Variants in NRP1 observed in about 807,000 individuals in gnomAD.
NRP1 encodes the protein neuropilin-1.
A neutral mutation model predicts 106.7 loss-of-function variants in NRP1; 35 were observed. That is an observed-to-expected ratio of 0.33 (90% CI 0.25 to 0.43). NRP1 has a LOEUF of 0.43. Ranked by LOEUF, NRP1 falls within the 20% of genes least tolerant of loss-of-function variation. The pLI is 1.00. For missense variants in NRP1, 1,024 were observed against 1,170.4 expected (o/e 0.87, Z 1.83); for synonymous variants, 437 against 417.9 (o/e 1.05, Z -0.56).
At chr10:33,264,883 C>A (rs996450842) in intron 3 of NRP1, among the ~76,000 whole-genome samples, 1 of 152,008 alleles carries the variant, frequency 6.6e-6, no homozygotes, top group Admixed American at 6.6e-5. Flanking sequence ...CTGAGGTGGG[C>A]GGATCACCTG....
chr10:33,180,625 A>ATGCAGCCCCATCTGTCC (rs1233295208), intron 16 of NRP1, among the ~76,000 whole-genome samples: 6 of 152,188 alleles, frequency 3.9e-5, no homozygotes, highest in South Asian at 4.1e-4. Context: ...CTCAGATTTC[A>ATGCAGCCCCATCTGTCC]TGCAGCCCCA....
At chr10:33,323,810 ATGTGTTTGTGTG>A (rs1847697239) in intron 2 of NRP1, among the ~76,000 whole-genome samples, 2 of 152,100 alleles carry the variant, frequency 1.3e-5, no homozygotes, top group African/African-American at 4.8e-5. Context: ...ACACACACAT[ATGTGTTTGTGTG>A]TGCGCTTCTG....
chr10:33,271,814 G>A (rs1468605221), intron 2 of NRP1, among the ~76,000 whole-genome samples: 1 of 152,150 alleles, frequency 6.6e-6, no homozygotes, highest in African/African-American at 2.4e-5. Flanking sequence ...TGTCTATTTG[G>A]TGTTATGTAT....
intron 2 of NRP1, among the ~76,000 whole-genome samples, chr10:33,272,366 G>A (rs564845852): frequency 1.3e-5 from 2 of 152,176 alleles, no homozygotes; most frequent in Non-Finnish European, 2.9e-5. Flanking sequence ...GATGCTTCCA[G>A]TAGTAGATAC....
chr10:33,186,176 C>A, intron 14 of NRP1, 41 bp downstream of exon 14: 1 of 1,539,072 alleles, frequency 6.5e-7, no homozygotes, highest in South Asian at 1.3e-5. Context: ...CTCAGCATTC[C>A]TGCAGCCACT....
At chr10:33,268,150 G>T (rs961877308) in intron 3 of NRP1, among the ~76,000 whole-genome samples, 2 of 152,198 alleles carry the variant, frequency 1.3e-5, no homozygotes, top group Non-Finnish European at 2.9e-5. Context: ...TTTTGTGTGT[G>T]TGTGTATACA....
intron 2 of NRP1, among the ~76,000 whole-genome samples, chr10:33,320,672 C>T (rs557080756): frequency 9.2e-5 from 14 of 152,312 alleles, no homozygotes; most frequent in Admixed American, 5.9e-4. Flanking sequence ...GGACACATTG[C>T]GGTTTTTCAC....
At chr10:33,226,026 C>A in intron 7 of NRP1, 108 bp downstream of exon 7, 1 of 1,248,402 alleles carries the variant, frequency 8.0e-7, no homozygotes, top group Non-Finnish European at 1.1e-6. Flanking sequence ...CATTTCAAAT[C>A]AATTCAAAAA....
chr10:33,250,504 A>T (rs1841777842), intron 6 of NRP1, among the ~76,000 whole-genome samples: 1 of 152,226 alleles, frequency 6.6e-6, no homozygotes, highest in African/African-American at 2.4e-5. Context: ...AATAGGAAGC[A>T]CCCAACCCAT....
chr10:33,244,602 T>C (rs1249117913), intron 6 of NRP1, among the ~76,000 whole-genome samples: 2 of 152,180 alleles, frequency 1.3e-5, no homozygotes, highest in African/African-American at 4.8e-5. Context: ...TGGTTGGTAA[T>C]TGATAGCTTT....
intron 6 of NRP1, among the ~76,000 whole-genome samples, chr10:33,233,892 G>GT (rs1253823052): frequency 6.6e-6 from 1 of 152,164 alleles, no homozygotes; most frequent in African/African-American, 2.4e-5. Context: ...TAAAACACAT[G>GT]TTTTTTACAG....
At chr10:33,209,121 G>A (rs556766094) in intron 9 of NRP1, among the ~76,000 whole-genome samples, 1 of 151,958 alleles carries the variant, frequency 6.6e-6, no homozygotes, top group Admixed American at 6.6e-5. Flanking sequence ...TGGCCAGGCT[G>A]GTCTTGAACT....
At chr10:33,261,372 A>T (rs773888105) in intron 4 of NRP1, among the ~76,000 whole-genome samples, 7 of 152,216 alleles carry the variant, frequency 4.6e-5, no homozygotes, top group Admixed American at 1.3e-4. Flanking sequence ...CTAGAAAGGA[A>T]AGCTGCAAAT....
chr10:33,180,014 C>T lies in NRP1; in HGVS notation c.*62G>A. On this transcript the variant is annotated 3_prime_UTR_variant, in exon 17 of 17. Transcript: ENST00000374867. ...CCTGTATAGTGAAAGATCAACAGCT[C>T]CCCAGCTCACTCCCGTCCTTCCACT... is the stretch of plus-strand genomic sequence containing the variant. 1 of 1,536,266 alleles carries T rather than the reference C, an allele frequency of 6.5e-7. No homozygotes were observed. Among genetic ancestry groups the T allele is most frequent in the East Asian group, 2.2e-5 (1 of 44,488 alleles).
At chr10:33,197,484 T>C in intron 12 of NRP1, 166 bp downstream of exon 12, 1 of 480,698 alleles carries the variant, frequency 2.1e-6, no homozygotes, top group Non-Finnish European at 3.7e-6. Flanking sequence ...CTGCTGCATA[T>C]ACATGTGGAT....
At chr10:33,278,124 CAGGGTGT>C (rs1243813950) in intron 2 of NRP1, among the ~76,000 whole-genome samples, 1 of 152,112 alleles carries the variant, frequency 6.6e-6, no homozygotes, top group Admixed American at 6.5e-5. Flanking sequence ...TCGACACTGT[CAGGGTGT>C]AAGGTGATTT....
At chr10:33,256,585 A>C in intron 4 of NRP1, 114 bp from the exon 5 acceptor site, 1 of 1,118,994 alleles carries the variant, frequency 8.9e-7, no homozygotes, top group Non-Finnish European at 1.3e-6. Context: ...TTTCTAACCC[A>C]AAGCAAGGCT....
chr10:33,253,654 T>C (rs1317129847), intron 6 of NRP1, among the ~76,000 whole-genome samples: 1 of 152,158 alleles, frequency 6.6e-6, no homozygotes, highest in East Asian at 1.9e-4. Context: ...AATAAAAACA[T>C]GTCAAAATAG....
chr10:33,282,633 C>A (rs2080597951), intron 2 of NRP1, among the ~76,000 whole-genome samples: 1 of 152,114 alleles, frequency 6.6e-6, no homozygotes, highest in South Asian at 2.1e-4. Context: ...AAATGACCGT[C>A]ATCTTTTCCT....
Sources: gnomAD v4.1 joint callset for allele counts (sites outside exome capture counted in the v4.1 genomes callset) on GRCh38, gnomAD v4.1.1 for gene constraint, MANE v1.5 for transcripts, NCBI Gene and HGNC (gene_info 2026-07-23, HGNC 2026-07-21) for gene names.